Variants in ATP10A observed in about 807,000 individuals in gnomAD.
ATP10A encodes ATPase phospholipid transporting 10A (putative).
In ATP10A, 111 loss-of-function variants were observed where a neutral mutation model predicts 147.8. The observed-to-expected ratio is 0.75, with a 90% confidence interval of 0.64 to 0.88. ATP10A has a LOEUF of 0.88. ATP10A is among the 40% of genes least tolerant of loss of function. ATP10A has a pLI of 0.00. For synonymous variants in ATP10A, 875 were observed against 841.6 expected (o/e 1.04, Z -0.69); for missense variants, 1,927 against 1,959.0 (o/e 0.98, Z 0.31).
chr15:25,750,129 T>C (rs1888068232), intron 2 of ATP10A, among the ~76,000 whole-genome samples: 1 of 151,566 alleles, frequency 6.6e-6, no homozygotes, highest in South Asian at 2.1e-4. Flanking sequence ...CCCCAAATTA[T>C]GAAGAAAATT....
At chr15:25,818,936 A>C (rs938362722) in intron 1 of ATP10A, among the ~76,000 whole-genome samples, 1 of 152,182 alleles carries the variant, frequency 6.6e-6, no homozygotes, top group Non-Finnish European at 1.5e-5. Context: ...ACAAATCAAG[A>C]TAGATTAAAG....
intron 1 of ATP10A, among the ~76,000 whole-genome samples, chr15:25,833,709 C>T (rs944369651): frequency 7.2e-5 from 11 of 152,108 alleles, no homozygotes; most frequent in African/African-American, 1.9e-4. Context: ...AGCCGGGTGC[C>T]GTGGCTCACG....
At position 25,726,026 on chromosome 15, in the gene ATP10A, G is replaced by T; in HGVS notation, c.904C>A (p.Leu302Met). The T allele has an allele frequency of 6.2e-7, 1 of 1,614,124 alleles. No individual in the cohort carries two copies. The highest frequency in any genetic ancestry group is 8.5e-7 in the Non-Finnish European group (1 of 1,180,006). The change falls in exon 5 of 21, where the codon CTG becomes ATG. Residue 302 changes from leucine to methionine, a missense_variant. Coordinates refer to ENST00000555815, the MANE Select transcript of ATP10A (RefSeq NM_024490.4). ...NSGPRYKRSK[L>M]ERQMNCDVLW... is the part of the protein sequence containing the mutation. The stretch of plus-strand genomic sequence containing the variant: ...ACGTCGCAGTTCATCTGCCTCTCCA[G>T]CTTGCTGCGCTTGTAGCGGGGCCCA...
chr15:25,692,226 G>A (rs967465515), intron 14 of ATP10A, among the ~76,000 whole-genome samples: 14 of 152,140 alleles, frequency 9.2e-5, no homozygotes, highest in African/African-American at 3.1e-4. Context: ...AGCCCAGCAC[G>A]TTGTGGAGCT....
rs746700393 is a variant in ATP10A, at chr15:25,694,813, A to G, written c.3088+6T>C. The stretch of plus-strand genomic sequence containing the variant: ...AGGAGGCCGTCTGGCCAGCTGGGAT[A>G]CTTGCCTATGGCCAGGGTCATGGCC... On this transcript the variant is annotated splice_donor_region_variant and intron_variant, in intron 14 of 20. Transcript: ENST00000555815. 1.9e-6 allele frequency: 3 copies of G among 1,599,484 alleles called. 1 individual carries two copies. In the South Asian group the frequency reaches 3.3e-5, roughly 18 times the overall value.
chr15:25,832,199 A>G (rs1245007390), intron 1 of ATP10A, among the ~76,000 whole-genome samples: 1 of 152,214 alleles, frequency 6.6e-6, no homozygotes, highest in Non-Finnish European at 1.5e-5. Flanking sequence ...ATTTTTCTCT[A>G]GAGCTTTCCA....
Position 25,695,153 on chromosome 15 carries a change from G to A in ATP10A, c.2761-7C>T. On this transcript the variant is annotated splice_region_variant and splice_polypyrimidine_tract_variant and intron_variant, in intron 13 of 20. Coordinates refer to ENST00000555815, the MANE Select transcript of ATP10A (RefSeq NM_024490.4). ...GCAGGGCTGCACACGCCTCCTGAAA[G>A]GGACATGAGAGGACAGCGCAGTTCC... The A allele has an allele frequency of 6.2e-7, 1 of 1,605,026 alleles. No individual in the cohort carries two copies. The highest frequency in any genetic ancestry group is 8.5e-7 in the Non-Finnish European group (1 of 1,174,214).
chr15:25,852,469 G>A (rs1056254610), intron 1 of ATP10A, among the ~76,000 whole-genome samples: 5 of 152,048 alleles, frequency 3.3e-5, no homozygotes, highest in African/African-American at 7.2e-5. Flanking sequence ...ACTTTGATGC[G>A]CTGAACTGTA....
chr15:25,725,879 A>G, intron 5 of ATP10A, 72 bp downstream of exon 5: 5 of 1,494,212 alleles, frequency 3.3e-6, no homozygotes, highest in Non-Finnish European at 4.5e-6. Context: ...CGGCCTCCCA[A>G]AGTGCTAGGA....
In ATP10A at chr15:25,713,938, C is replaced by G. The variant is rs1343971446; in HGVS notation, c.2080G>C (p.Glu694Gln). 3.1e-6 allele frequency: 5 copies of G among 1,611,508 alleles called. No individual in the cohort carries two copies. The highest frequency in any genetic ancestry group is 1.3e-5 in the African/African-American group (1 of 74,948). ...GCGGCCTCATCCGGGCTCTCCGCCTCGTACCGCAGCTCGCGCTCTGACTCC... is the reference window on the plus strand; with the variant it reads ...GCGGCCTCATCCGGGCTCTCCGCCTGGTACCGCAGCTCGCGCTCTGACTCC... ...EQESERELRY[E>Q]AESPDEAALV... is the part of the protein sequence containing the mutation. The change falls in exon 10 of 21, where the codon GAG becomes CAG. Residue 694 changes from glutamate to glutamine, a missense_variant. Coordinates refer to ENST00000555815, the MANE Select transcript of ATP10A (RefSeq NM_024490.4).
Position 25,680,119 on chromosome 15 carries a change from A to T in ATP10A, c.3866+2T>A. On this transcript the variant is annotated splice_donor_variant, in intron 20 of 20. Transcript: ENST00000555815. LOFTEE classifies it high-confidence loss of function. Reference sequence around the variant, plus strand: ...GAGGCACTATCCCGCTCCGACACCCACCTGGGCAGCAGTGCAGCGACAGGC... The same window carrying T: ...GAGGCACTATCCCGCTCCGACACCCTCCTGGGCAGCAGTGCAGCGACAGGC... 1 of 1,613,250 alleles carries T rather than the reference A, an allele frequency of 6.2e-7. No homozygotes were observed. Among genetic ancestry groups the T allele is most frequent in the South Asian group, 1.1e-5 (1 of 90,988 alleles).
In ATP10A at chr15:25,727,348, G is replaced by A. The variant is rs570922628; in HGVS notation, c.741-82C>T. 4.9e-6 allele frequency: 6 copies of A among 1,236,696 alleles called. No individual in the cohort carries two copies. The Admixed American group carries it at 5.2e-5, about 11-fold the overall frequency. 76.6% of individuals were successfully genotyped at this position (1,236,696 alleles called of 1,614,324 possible). A position where few individuals can be genotyped will look rare whatever the true frequency, so the allele number is the denominator to read the frequency against. On this transcript the variant is annotated intron_variant, in intron 3 of 20. Coordinates refer to ENST00000555815, the MANE Select transcript of ATP10A (RefSeq NM_024490.4). The stretch of plus-strand genomic sequence containing the variant: ...GAGCCGCAATGCCTTGAGGAAGGAA[G>A]GCCCTGACACAATGAAAGCTTGGGG...
chr15:25,774,109 A>G (rs1174178133), intron 2 of ATP10A, among the ~76,000 whole-genome samples: 2 of 152,184 alleles, frequency 1.3e-5, no homozygotes, highest in Non-Finnish European at 2.9e-5. Context: ...GCTACCTTGA[A>G]CAGAATTAAA....
chr15:25,727,719 A>C (rs1902667675), intron 3 of ATP10A, among the ~76,000 whole-genome samples: 1 of 152,270 alleles, frequency 6.6e-6, no homozygotes, highest in Non-Finnish European at 1.5e-5. Flanking sequence ...TTTCATTTTT[A>C]ACATCCTTTT....
chr15:25,699,168 A>G (rs1253160196), intron 13 of ATP10A, among the ~76,000 whole-genome samples: 6 of 152,244 alleles, frequency 3.9e-5, no homozygotes, highest in Non-Finnish European at 7.3e-5. Flanking sequence ...TGGAGGAATA[A>G]CACTACCAAT....
chr15:25,815,924 T>C (rs1051327167), intron 1 of ATP10A, among the ~76,000 whole-genome samples: 2 of 151,878 alleles, frequency 1.3e-5, no homozygotes, highest in African/African-American at 4.8e-5. Context: ...CCTAACTCTA[T>C]GCTAATAATC....
At chr15:25,712,878 G>A (rs1291399249) in intron 10 of ATP10A, among the ~76,000 whole-genome samples, 3 of 152,180 alleles carry the variant, frequency 2.0e-5, no homozygotes, top group Non-Finnish European at 2.9e-5. Context: ...ATCATGAGTG[G>A]TCCTGGGCTT....
chr15:25,754,888 G>A (rs1177562454), intron 2 of ATP10A, among the ~76,000 whole-genome samples: 1 of 152,170 alleles, frequency 6.6e-6, no homozygotes, highest in East Asian at 1.9e-4. Context: ...ATTAGGCAGA[G>A]GGAATGGGAT....
Position 25,714,076 on chromosome 15 carries a change from C to A in ATP10A, c.1942G>T (p.Asp648Tyr), listed in dbSNP as rs1205352747. The part of the protein sequence containing the change: ...GSSFPSTPSS[D>Y]GMLLRLEERL... ...TCCTCCAGCCTGAGAAGCATGCCGT[C>A]GCTGGACGGGGTGGACGGGAAGCTG... The change falls in exon 10 of 21, where the codon GAC (aspartate) becomes TAC (tyrosine). Residue 648 changes from aspartate (D) to tyrosine (Y), a missense_variant. Asp to Tyr is a radical substitution (Grantham distance 160). Coordinates refer to ENST00000555815, the MANE Select transcript of ATP10A (RefSeq NM_024490.4). 4 of 1,613,042 alleles carry A rather than the reference C, an allele frequency of 2.5e-6. No homozygotes were observed. In the Admixed American group the frequency reaches 6.7e-5, roughly 27 times the overall value.
Sources: allele counts gnomAD v4.1 joint callset (sites outside exome capture counted in the v4.1 genomes callset), GRCh38; gene constraint gnomAD v4.1.1; transcripts MANE v1.5; gene names NCBI Gene and HGNC (gene_info 2026-07-23, HGNC 2026-07-21).